PHF2: variants seen among roughly 807,000 people sequenced by gnomAD.
The protein encoded by PHF2 is PHD finger protein 2, also known as lysine-specific demethylase PHF2.
In PHF2, 27 loss-of-function variants were observed where a neutral mutation model predicts 120.5. The ratio of observed to expected loss-of-function variants is 0.22; its 90% CI spans 0.17 to 0.31. The LOEUF (loss-of-function observed/expected upper bound fraction) is 0.31. Among genes scored for constraint, PHF2 ranks in the 10% least tolerant of loss-of-function variants. The pLI, the probability that PHF2 is intolerant of heterozygous loss-of-function variation, is 1.00. For missense variants in PHF2, 1,024 were observed against 1,434.8 expected, an observed-to-expected ratio of 0.71 and a Z score of 4.63; for synonymous variants, 568 against 592.5, an observed-to-expected ratio of 0.96 and a Z score of 0.60.
chr9:93,628,413 C>A (rs1006472345), intron 1 of PHF2, among the ~76,000 whole-genome samples: 4 of 152,130 alleles, frequency 2.6e-5, no homozygotes, highest in African/African-American at 9.7e-5. Flanking sequence ...TTACTTGTTA[C>A]AGGTCTGTTC....
At chr9:93,649,970 GACAC>G (rs972311393) in intron 5 of PHF2, among the ~76,000 whole-genome samples, 2 of 151,460 alleles carry the variant, frequency 1.3e-5, no homozygotes, top group Non-Finnish European at 2.9e-5. Context: ...GGACACACAT[GACAC>G]ACACTCAGTA....
At chr9:93,643,693 T>A (rs769665998) in intron 3 of PHF2, among the ~76,000 whole-genome samples, 16 of 152,192 alleles carry the variant, frequency 1.1e-4, no homozygotes, top group Admixed American at 2.6e-4. Flanking sequence ...CCACAACTTC[T>A]TTAGCTCTTC....
chr9:93,646,114 T>C (rs1054025176), intron 4 of PHF2, among the ~76,000 whole-genome samples: 3 of 152,186 alleles, frequency 2.0e-5, no homozygotes, highest in Non-Finnish European at 2.9e-5. Context: ...TGGGAGGCCC[T>C]GGTGGTGCGG....
At chr9:93,618,177 C>T (rs1284387007) in intron 1 of PHF2, among the ~76,000 whole-genome samples, 1 of 152,238 alleles carries the variant, frequency 6.6e-6, no homozygotes, top group Non-Finnish European at 1.5e-5. Flanking sequence ...ACAGTTGGCT[C>T]AGATGAATCC....
intron 1 of PHF2, among the ~76,000 whole-genome samples, chr9:93,605,976 T>G (rs569180062): frequency 3.3e-5 from 5 of 151,362 alleles, no homozygotes; most frequent in African/African-American, 1.2e-4. Flanking sequence ...TAGTTTTGGG[T>G]TTTTTTTCTT....
rs575993797 is a variant in PHF2 at position 93,660,102 on chromosome 9, A to C, written c.1330-90A>C. On this transcript the variant is annotated intron_variant, in intron 11 of 21. Transcript: ENST00000359246. ...GCTGATAGTTCCCCGCCAGCCTGGCACTGAGTGTCTCCAGCATCCTGGTGT... is the reference window on the plus strand; with the variant it reads ...GCTGATAGTTCCCCGCCAGCCTGGCCCTGAGTGTCTCCAGCATCCTGGTGT... 9.1e-5 allele frequency: 130 copies of C among 1,426,804 alleles called. No individual in the cohort carries two copies. In the African/African-American group the frequency reaches 1.6e-3, roughly 17 times the overall value. The allele number at this position is 1,426,804 out of a possible 1,614,324, so 88.4% of individuals were successfully genotyped here. A position where few individuals can be genotyped will look rare whatever the true frequency, so the allele number is the denominator to read the frequency against.
At position 93,596,185 on chromosome 9, in the gene PHF2, C is replaced by T. The variant is rs904983871; in HGVS notation, c.98+19314C>T. ...GACCTCAGTCCAGCATGATACTCTG[C>T]ACAGCTGTGGGTTAGGAGGAGGTTT... On this transcript the variant is annotated intron_variant, in intron 1 of 21. Coordinates refer to ENST00000359246, the MANE Select transcript of PHF2 (RefSeq NM_005392.4). Among the ~76,000 whole-genome samples, 5 of 152,272 alleles carry T rather than the reference C, an allele frequency of 3.3e-5. No homozygotes were observed. In the East Asian group the frequency reaches 9.7e-4, roughly 29 times the overall value.
Position 93,613,223 on chromosome 9 carries a change from A to G in PHF2, c.99-16747A>G, listed in dbSNP as rs185909573. The stretch of plus-strand genomic sequence containing the variant: ...TTGAGCAAATATATTCTAGAAATGT[A>G]GTTGAGAAGTGAATTCCCTGAGAAG... On this transcript the variant is annotated intron_variant, in intron 1 of 21. Coordinates refer to ENST00000359246, the MANE Select transcript of PHF2 (RefSeq NM_005392.4). Among the ~76,000 whole-genome samples the G allele has an allele frequency of 2.0e-5, 3 of 152,336 alleles. No individual in the cohort carries two copies. In the East Asian group the frequency reaches 5.8e-4, roughly 29 times the overall value.
chr9:93,604,336 CT>C (rs1171344507), intron 1 of PHF2, among the ~76,000 whole-genome samples: 167 of 131,706 alleles, frequency 1.3e-3, no homozygotes, highest in Admixed American at 1.7e-3. Context: ...AGCGAGACTT[CT>C]TTTTTTTTTT....
intron 1 of PHF2, among the ~76,000 whole-genome samples, chr9:93,597,340 GACTCCAC>G: frequency 6.6e-6 from 1 of 152,262 alleles, no homozygotes; most frequent in Middle Eastern, 3.4e-3. Context: ...TTGCTCCTGG[GACTCCAC>G]ACCCTTTAGC....
chr9:93,666,048 G>T lies in PHF2; in HGVS notation c.2175G>T (p.Ser725=). The T allele has an allele frequency of 6.2e-7, 1 of 1,613,094 alleles. No individual in the cohort carries two copies. The highest frequency in any genetic ancestry group is 1.3e-5 in the African/African-American group (1 of 75,016). The change falls in exon 16 of 22, where the codon TCG becomes TCT. Residue 725 remains serine, a synonymous_variant. Coordinates refer to ENST00000359246, the MANE Select transcript of PHF2 (RefSeq NM_005392.4). Reference sequence around the variant, plus strand: ...CTGTCACGAAGCCAAAGCTGGACTCGGCAGCGTACAAGGTGAGCTGCCTTA... The same window carrying T: ...CTGTCACGAAGCCAAAGCTGGACTCTGCAGCGTACAAGGTGAGCTGCCTTA... ...PTPVTKPKLD[S]AAYKSDDSSD...
chr9:93,614,605 C>T (rs956093004), intron 1 of PHF2, among the ~76,000 whole-genome samples: 1 of 152,350 alleles, frequency 6.6e-6, no homozygotes, highest in African/African-American at 2.4e-5. Context: ...CTTCAGCTCG[C>T]AGTCCTGGAG....
Position 93,674,978 on chromosome 9 carries a change from C to A in PHF2, c.2678C>A (p.Ser893Ter). 6.2e-7 allele frequency: 1 copy of A among 1,613,854 alleles called. No individual in the cohort carries two copies. Among genetic ancestry groups the A allele is most frequent in the South Asian group, 1.1e-5 (1 of 91,054 alleles). The change falls in exon 19 of 22, where the codon TCG becomes TAG. Residue 893 changes from serine (S) to a stop codon, truncating the protein, a stop_gained. Transcript: ENST00000359246. LOFTEE classifies it high-confidence loss of function. Reference sequence around the variant, plus strand: ...GACAACCCCATCTTTAAGTCCCGGTCGAAGAAAAGGAAAGGCTCAGACGAC... The same window carrying A: ...GACAACCCCATCTTTAAGTCCCGGTAGAAGAAAAGGAAAGGCTCAGACGAC... The part of the protein sequence containing the change: ...DEDNPIFKSR[S>*]KKRKGSDDAP...
chr9:93,641,018 T>C (rs1461842695), intron 3 of PHF2, among the ~76,000 whole-genome samples: 4 of 152,254 alleles, frequency 2.6e-5, no homozygotes, highest in East Asian at 1.9e-4. Context: ...TCAGCTATTA[T>C]TATACTGATG....
intron 1 of PHF2, among the ~76,000 whole-genome samples, chr9:93,615,819 C>T (rs539262117): frequency 6.6e-6 from 1 of 152,308 alleles, no homozygotes; most frequent in East Asian, 1.9e-4. Context: ...CAGGGGTCCT[C>T]AGCCTCCTTC....
chr9:93,618,965 C>G (rs117169382), intron 1 of PHF2, among the ~76,000 whole-genome samples: 29 of 83,704 alleles, frequency 3.5e-4, no homozygotes, highest in South Asian at 8.0e-4. Flanking sequence ...CCAGGCCTCA[C>G]TCTAGTGCTT....
At position 93,656,588 on chromosome 9, in the gene PHF2, A is replaced by G; in HGVS notation, c.1140A>G (p.Ala380=). ...ACATGGGGAAGCACCTGCTGGAGGC[A>G]TTCAAAGGTACTGGTCACTCCGGGG... The part of the protein sequence containing the change: ...CWYMGKHLLE[A]FKGSHKSGKQ... The change falls in exon 9 of 22, where the codon GCA becomes GCG. Residue 380 remains alanine (A), a synonymous_variant. Coordinates refer to ENST00000359246, the MANE Select transcript of PHF2 (RefSeq NM_005392.4). The surrounding 1 kb of genome is among the most constrained non-coding windows in gnomAD (Gnocchi z 4.1). The G allele has an allele frequency of 6.2e-7, 1 of 1,612,088 alleles. No individual in the cohort carries two copies. The highest frequency in any genetic ancestry group is 8.5e-7 in the Non-Finnish European group (1 of 1,178,444).
intron 6 of PHF2, among the ~76,000 whole-genome samples, chr9:93,654,117 T>A (rs576131082): frequency 6.6e-6 from 1 of 152,344 alleles, no homozygotes; most frequent in East Asian, 1.9e-4. Context: ...CTACCTGGAA[T>A]GCTTTTGACA....
chr9:93,588,773 C>A (rs539661212), intron 1 of PHF2, among the ~76,000 whole-genome samples: 2 of 152,282 alleles, frequency 1.3e-5, no homozygotes, highest in South Asian at 4.1e-4. Context: ...TGCCTGTAAT[C>A]CTAGCTACTT....
Sources: allele counts gnomAD v4.1 joint callset (sites outside exome capture counted in the v4.1 genomes callset), GRCh38; gene constraint gnomAD v4.1.1; non-coding constraint Gnocchi (gnomAD v3.1); transcripts MANE v1.5; gene names NCBI Gene and HGNC (gene_info 2026-07-23, HGNC 2026-07-21).